Variants in SORCS2 observed in about 807,000 individuals in gnomAD.
SORCS2 encodes sortilin related VPS10 domain containing receptor 2.
A neutral mutation model predicts 141.6 loss-of-function variants in SORCS2; 100 were observed. The observed-to-expected ratio is 0.71, with a 90% CI of 0.60 to 0.83. The LOEUF is 0.83. Among genes scored for constraint, SORCS2 ranks in the 40% least tolerant of loss-of-function variants. SORCS2 has a pLI of 0.00. For missense variants in SORCS2, 1,646 were observed against 1,560.2 expected (o/e 1.05, Z -0.93); for synonymous variants, 789 against 676.9 (o/e 1.17, Z -2.57).
At chr4:7,379,017 C>A (rs191665918) in intron 1 of SORCS2, among the ~76,000 whole-genome samples, 3 of 152,174 alleles carry the variant, frequency 2.0e-5, no homozygotes, top group African/African-American at 7.2e-5. Context: ...CATACCCCGG[C>A]CTTTGTTTTA....
intron 2 of SORCS2, among the ~76,000 whole-genome samples, chr4:7,445,664 A>C (rs1256907217): frequency 6.6e-6 from 1 of 152,168 alleles, no homozygotes; most frequent in Non-Finnish European, 1.5e-5. Flanking sequence ...GCAAGGGCCT[A>C]AACGCTTCTC....
intron 2 of SORCS2, among the ~76,000 whole-genome samples, chr4:7,524,879 A>C (rs1733570528): frequency 6.6e-6 from 1 of 152,050 alleles, no homozygotes; most frequent in Admixed American, 6.5e-5. Flanking sequence ...TGGCGAGTGC[A>C]CCGCAGAGAG....
At chr4:7,488,083 C>T (rs1731102806) in intron 2 of SORCS2, among the ~76,000 whole-genome samples, 1 of 152,148 alleles carries the variant, frequency 6.6e-6, no homozygotes, top group African/African-American at 2.4e-5. Flanking sequence ...GTACCTGAGC[C>T]CTGTGCTAGG....
At chr4:7,408,164 A>G (rs555513350) in intron 2 of SORCS2, among the ~76,000 whole-genome samples, 8 of 152,214 alleles carry the variant, frequency 5.3e-5, no homozygotes, top group African/African-American at 1.7e-4. Context: ...AATTTTACCA[A>G]TGGATTCTAA....
intron 1 of SORCS2, among the ~76,000 whole-genome samples, chr4:7,328,527 C>A (rs1350527424): frequency 6.6e-6 from 1 of 152,156 alleles, no homozygotes; most frequent in Non-Finnish European, 1.5e-5. Flanking sequence ...TCCTTGAGGG[C>A]TGCCCAGGTA....
rs1455639724 is a variant in SORCS2, at chr4:7,661,561, G to C, written c.949G>C (p.Gly317Arg). The C allele has an allele frequency of 6.4e-7, 1 of 1,551,730 alleles. No individual in the cohort carries two copies. The highest frequency in any genetic ancestry group is 2.4e-5 in the East Asian group (1 of 40,968). Residue 317 changes from glycine to arginine, a missense_variant, in exon 6 of 27, where the codon GGA becomes CGA. By Grantham distance (125) the Gly-to-Arg change is moderately radical. Transcript: ENST00000507866. ...LVHVEAQDLG[G>R]DFRYVTCAIH... ...CCACGTGGAAGCCCAAGACCTCGGT[G>C]GAGGTAAGCCGGGCAGTGCACAGGC...
intron 2 of SORCS2, among the ~76,000 whole-genome samples, chr4:7,397,397 A>G (rs1013987183): frequency 6.6e-6 from 1 of 151,738 alleles, no homozygotes; most frequent in Non-Finnish European, 1.5e-5. Context: ...AGGGTTTAAG[A>G]CACTCACAGT....
Position 7,471,014 on chromosome 4 carries a change from C to T in SORCS2, c.549-60516C>T, listed in dbSNP as rs977230717. On this transcript the variant is annotated intron_variant, in intron 2 of 26. Transcript: ENST00000507866. ...TGGGGTCTCTACCAGGAGCAACAGT[C>T]TGAGCTGAGACCCAAATGAGGGGGC... 2.0e-5 allele frequency among the ~76,000 whole-genome samples: 3 copies of T among 152,146 alleles called. No individual in the cohort carries two copies. The South Asian group carries it at 6.2e-4, about 32-fold the overall frequency.
rs55893706 is a variant in SORCS2 at position 7,303,790 on chromosome 4, C to T, written c.481-92498C>T. On this transcript the variant is annotated intron_variant, in intron 1 of 26. Coordinates refer to ENST00000507866, the MANE Select transcript of SORCS2 (RefSeq NM_020777.3). ...TCTAAGGCCAAGTCAGAGCGCAGGACGCAGACCTCGGCGCGTCTCTGTCCG... is the reference window on the plus strand; with the variant it reads ...TCTAAGGCCAAGTCAGAGCGCAGGATGCAGACCTCGGCGCGTCTCTGTCCG... Among the ~76,000 whole-genome samples the T allele has an allele frequency of 7.2e-5, 11 of 152,268 alleles. No homozygotes were observed. The South Asian group carries it at 8.3e-4, about 11-fold the overall frequency.
intron 25 of SORCS2, 94 bp downstream of exon 25, chr4:7,734,468 C>T: frequency 1.2e-6 from 1 of 853,808 alleles, no homozygotes; most frequent in Non-Finnish European, 1.8e-6. Flanking sequence ...GAAAGGGCCC[C>T]AGCAGGGCCT....
chr4:7,611,087 A>T (rs1718373872), intron 3 of SORCS2, among the ~76,000 whole-genome samples: 1 of 152,166 alleles, frequency 6.6e-6, no homozygotes, highest in Non-Finnish European at 1.5e-5. Flanking sequence ...GCAGCCCAGC[A>T]CCCACACGTC....
In SORCS2 at chr4:7,729,619, T is replaced by C. The variant is rs1410322440; in HGVS notation, c.3015T>C (p.Thr1005=). Residue 1005 remains threonine (T), a synonymous_variant, in exon 23 of 27, where the codon ACT becomes ACC. Transcript: ENST00000507866. ...ETSVPQELLV[T]VVKPGLPTLA... ...GCGTCCCTCAGGAGCTTCTGGTGAC[T>C]GTGGTGAAGCCGGGGCTGCCCACTT... is the stretch of plus-strand genomic sequence containing the variant. The C allele has an allele frequency of 1.9e-6, 3 of 1,592,854 alleles. No individual in the cohort carries two copies. Among genetic ancestry groups the C allele is most frequent in the Non-Finnish European group, 2.6e-6 (3 of 1,169,892 alleles).
chr4:7,199,346 C>T (rs1160273513), intron 1 of SORCS2, among the ~76,000 whole-genome samples: 1 of 152,120 alleles, frequency 6.6e-6, no homozygotes, highest in Admixed American at 6.5e-5. Context: ...GCAGGGGAAG[C>T]TCAGTTCACC....
intron 2 of SORCS2, among the ~76,000 whole-genome samples, chr4:7,464,248 C>A (rs1338801645): frequency 6.6e-6 from 1 of 152,234 alleles, no homozygotes; most frequent in Non-Finnish European, 1.5e-5. Context: ...GAGCCCCTAA[C>A]TCTAGCTGGA....
chr4:7,597,244 G>A (rs796700963), intron 3 of SORCS2, among the ~76,000 whole-genome samples: 13 of 150,782 alleles, frequency 8.6e-5, no homozygotes, highest in African/African-American at 3.2e-4. Flanking sequence ...TAGGGAAGGA[G>A]GCTACGCAAT....
At chr4:7,614,150 TACCCATCC>T (rs1328243842) in intron 3 of SORCS2, among the ~76,000 whole-genome samples, 3 of 149,634 alleles carry the variant, frequency 2.0e-5, no homozygotes, top group African/African-American at 7.4e-5. Context: ...TCCATCCCTC[TACCCATCC>T]ACCCATCCAC....
At chr4:7,409,902 C>T (rs28453988) in intron 2 of SORCS2, among the ~76,000 whole-genome samples, 2,789 of 152,268 alleles carry the variant, frequency 0.018, 86 homozygotes, top group African/African-American at 0.064. Context: ...ATTTTGGAAC[C>T]GGAAGTCTCC....
chr4:7,528,935 G>A (rs1029380878), intron 2 of SORCS2, among the ~76,000 whole-genome samples: 3 of 152,146 alleles, frequency 2.0e-5, no homozygotes, highest in Non-Finnish European at 4.4e-5. Flanking sequence ...TTGGCCTGCG[G>A]CCACATCACC....
At chr4:7,285,835 G>A (rs1716182772) in intron 1 of SORCS2, among the ~76,000 whole-genome samples, 1 of 152,226 alleles carries the variant, frequency 6.6e-6, no homozygotes, top group Admixed American at 6.5e-5. Flanking sequence ...GGCTGTTAGA[G>A]CAGAACTGAG....
Sources: allele counts gnomAD v4.1 joint callset (sites outside exome capture counted in the v4.1 genomes callset), GRCh38; gene constraint gnomAD v4.1.1; transcripts MANE v1.5; gene names NCBI Gene and HGNC (gene_info 2026-07-23, HGNC 2026-07-21).